Variants in POLN observed in about 807,000 individuals in gnomAD.
POLN encodes DNA polymerase N.
In POLN, 108 loss-of-function variants were observed where a neutral mutation model predicts 113.5. The ratio of observed to expected loss-of-function variants is 0.95; its 90% CI spans 0.81 to 1.12. The LOEUF is 1.12. POLN is among the 50% of genes most tolerant of loss of function. POLN has a pLI of 0.00. For synonymous variants in POLN, 386 were observed against 391.5 expected (o/e 0.99, Z 0.17); for missense variants, 1,097 against 1,077.1 (o/e 1.02, Z -0.26).
Position 2,075,500 on chromosome 4 carries a change from C to T in POLN, c.2407G>A (p.Asp803Asn). The change falls in exon 24 of 26, where the codon GAT (aspartate) becomes AAT (asparagine). Residue 803 changes from aspartate (D) to asparagine (N), a missense_variant. Asp to Asn is a conservative substitution (Grantham distance 23). Transcript: ENST00000511885. ...TCTTCCACTTCAAACAGCAGCTCATCATGGATCTGGGCCACCAGCCTGGCA... is the reference window on the plus strand; with the variant it reads ...TCTTCCACTTCAAACAGCAGCTCATTATGGATCTGGGCCACCAGCCTGGCA... ...LTARLVAQIHDELLFEVEDPQ... is the reference protein window; with the variant it reads ...LTARLVAQIHNELLFEVEDPQ... 6.2e-7 allele frequency: 1 copy of T among 1,613,482 alleles called. No homozygotes were observed. Among genetic ancestry groups the T allele is most frequent in the Non-Finnish European group, 8.5e-7 (1 of 1,180,020 alleles).
In POLN at chr4:2,080,688, G is replaced by A. The variant is rs887107592; in HGVS notation, c.2387+270C>T. On this transcript the variant is annotated intron_variant, in intron 23 of 25. Coordinates refer to ENST00000511885, the MANE Select transcript of POLN (RefSeq NM_181808.4). ...CAGCCTCAAGGGGTGCCCCTGTGCT[G>A]TGCAGACACCCCGAGGAGGAGGGGT... 6 of 1,358,792 alleles carry A rather than the reference G, an allele frequency of 4.4e-6. No homozygotes were observed. In the African/African-American group the frequency reaches 7.4e-5, roughly 17 times the overall value. 84.2% of individuals were successfully genotyped at this position (1,358,792 alleles called of 1,614,324 possible). A position where few individuals can be genotyped will look rare whatever the true frequency, so the allele number is the denominator to read the frequency against.
intron 8 of POLN, among the ~76,000 whole-genome samples, chr4:2,177,761 A>C (rs1469060656): frequency 1.3e-5 from 2 of 152,240 alleles, no homozygotes; most frequent in African/African-American, 4.8e-5. Flanking sequence ...GACGGCATGA[A>C]GTGTGGGTAG....
At chr4:2,089,318 T>A (rs952737401) in intron 20 of POLN, 21 of 1,390,414 alleles carry the variant, frequency 1.5e-5, no homozygotes, top group Non-Finnish European at 2.0e-5. Flanking sequence ...ATAGATCCTG[T>A]TAATTCTGAT....
intron 19 of POLN, 135 bp from the exon 20 acceptor site, chr4:2,096,068 CAG>C (rs1437720257): frequency 1.2e-5 from 9 of 755,956 alleles, no homozygotes; most frequent in Non-Finnish European, 1.8e-5. Flanking sequence ...GGCACACTGG[CAG>C]GGGAGACATT....
intron 19 of POLN, among the ~76,000 whole-genome samples, chr4:2,097,737 C>G (rs1433259504): frequency 1.3e-5 from 2 of 152,200 alleles, no homozygotes; most frequent in Admixed American, 1.3e-4. Context: ...CTCCTGGTCT[C>G]AAGGGATCCT....
intron 19 of POLN, among the ~76,000 whole-genome samples, chr4:2,125,185 C>T (rs376413492): frequency 1.2e-3 from 187 of 152,234 alleles, no homozygotes; most frequent in African/African-American, 4.3e-3. Flanking sequence ...TGGTTGTGCA[C>T]TGCACAGCTG....
intron 16 of POLN, among the ~76,000 whole-genome samples, chr4:2,151,324 A>G (rs1351346366): frequency 2.0e-5 from 3 of 152,230 alleles, no homozygotes; most frequent in Non-Finnish European, 4.4e-5. Context: ...AAATGCTGCT[A>G]GGAGTGTAAA....
intron 3 of POLN, chr4:2,228,124 T>C (rs1734445518): frequency 6.5e-6 from 1 of 153,994 alleles, no homozygotes; most frequent in Non-Finnish European, 1.4e-5. Context: ...ATTATTTCAA[T>C]GCAATTTCAT....
intron 13 of POLN, among the ~76,000 whole-genome samples, chr4:2,165,894 A>G (rs1732716632): frequency 6.6e-6 from 1 of 152,062 alleles, no homozygotes; most frequent in Non-Finnish European, 1.5e-5. Context: ...CTGCCACCTC[A>G]GCCTCACGAA....
chr4:2,156,722 A>C, intron 16 of POLN, 66 bp downstream of exon 16: 1 of 1,312,350 alleles, frequency 7.6e-7, no homozygotes, highest in South Asian at 1.2e-5. Flanking sequence ...ACACATATGG[A>C]GAAAAAACTT....
intron 24 of POLN, among the ~76,000 whole-genome samples, chr4:2,073,677 C>T (rs1186273676): frequency 6.6e-6 from 1 of 152,244 alleles, no homozygotes; most frequent in African/African-American, 2.4e-5. Flanking sequence ...TGCTCTGAAA[C>T]CTGGAGCCCC....
chr4:2,140,261 A>G (rs549380329), intron 16 of POLN, among the ~76,000 whole-genome samples: 1 of 152,108 alleles, frequency 6.6e-6, no homozygotes, highest in Admixed American at 6.5e-5. Flanking sequence ...TCTTTTTAGT[A>G]GAGACGGGGG....
At chr4:2,187,000 G>A (rs1733292347) in intron 7 of POLN, among the ~76,000 whole-genome samples, 1 of 152,126 alleles carries the variant, frequency 6.6e-6, no homozygotes, top group South Asian at 2.1e-4. Flanking sequence ...GCTCTCAACA[G>A]CAGAATGGAT....
At chr4:2,082,733 G>A (rs1023749651) in intron 21 of POLN, 7 of 152,206 alleles carry the variant, frequency 4.6e-5, no homozygotes, top group Non-Finnish European at 8.8e-5. Flanking sequence ...GTGAGGACAC[G>A]AGAGATCTTC....
At chr4:2,136,550 A>G (rs567652912) in intron 16 of POLN, among the ~76,000 whole-genome samples, 2 of 152,376 alleles carry the variant, frequency 1.3e-5, no homozygotes, top group African/African-American at 4.8e-5. Flanking sequence ...GAATGTTAAC[A>G]GCCTTTATTT....
rs574522995 is a variant in POLN, at chr4:2,189,419, C to A, written c.1021+3785G>T. Among the ~76,000 whole-genome samples, 236 of 151,584 alleles carry A rather than the reference C, an allele frequency of 1.6e-3. 1 individual carries two copies. Among genetic ancestry groups the A allele is most frequent in the African/African-American group, 5.5e-3 (229 of 41,308 alleles). ...CTTTGGGAGGCTGAGGTGGGTGGAT[C>A]ACGAGGTCAGGAGAACGAGACCATC... On this transcript the variant is annotated intron_variant, in intron 7 of 25. Transcript: ENST00000511885.
chr4:2,208,941 T>C (rs754140116), intron 4 of POLN, among the ~76,000 whole-genome samples: 8 of 151,788 alleles, frequency 5.3e-5, no homozygotes, highest in Non-Finnish European at 2.9e-5. Context: ...TGAGCTGGGA[T>C]TGCACCATTG....
At chr4:2,239,910 C>A in intron 2 of POLN, 1 of 730,058 alleles carries the variant, frequency 1.4e-6, no homozygotes, top group South Asian at 1.7e-5. Context: ...CAAATAAGCA[C>A]TGAACAAAGA....
At chr4:2,163,284 G>A (rs772573733) in intron 13 of POLN, among the ~76,000 whole-genome samples, 4 of 152,214 alleles carry the variant, frequency 2.6e-5, no homozygotes, top group Non-Finnish European at 5.9e-5. Context: ...GGGTGAAAGT[G>A]CATGGAAATA....
Sources: allele counts gnomAD v4.1 joint callset (sites outside exome capture counted in the v4.1 genomes callset), GRCh38; gene constraint gnomAD v4.1.1; transcripts MANE v1.5; gene names NCBI Gene and HGNC (gene_info 2026-07-23, HGNC 2026-07-21).